Variants in SF3B3 observed in about 807,000 individuals in gnomAD.
SF3B3 encodes the protein SAP 130.
Under a neutral mutation model 139.2 loss-of-function variants are expected in SF3B3, and 33 were observed. The ratio of observed to expected loss-of-function variants is 0.24; its 90% CI spans 0.18 to 0.32. SF3B3 has a LOEUF of 0.32. Among genes scored for constraint, SF3B3 ranks in the 10% least tolerant of loss-of-function variants. The pLI is 1.00. For missense variants in SF3B3, 818 were observed against 1,509.4 expected, an observed-to-expected ratio of 0.54 and a Z score of 7.59; for synonymous variants, 596 against 563.6, an observed-to-expected ratio of 1.06 and a Z score of -0.81.
chr16:70,571,663 C>T lies in SF3B3; in HGVS notation c.3514-10C>T. 1 of 1,604,710 alleles carries T rather than the reference C, an allele frequency of 6.2e-7. No individual in the cohort carries two copies. The highest frequency in any genetic ancestry group is 8.5e-7 in the Non-Finnish European group (1 of 1,176,870). On this transcript the variant is annotated splice_polypyrimidine_tract_variant and intron_variant, in intron 25 of 25. Transcript: ENST00000302516. ...CCATTTTTTTTCTTTCTGCTTTCTC[C>T]ATATCTTAGAATGTGATTGATGGAG...
chr16:70,529,096 G>A lies in SF3B3; in HGVS notation c.294G>A (p.Met98Ile). Reference sequence around the variant, plus strand: ...TGGAATACCAGCCATCTAAGAATATGTTTGAGAAGATTCACCAAGAAACCT... The same window carrying A: ...TGGAATACCAGCCATCTAAGAATATATTTGAGAAGATTCACCAAGAAACCT... Reference protein sequence around the residue: ...VILEYQPSKNMFEKIHQETFG... With the variant: ...VILEYQPSKNIFEKIHQETFG... The change falls in exon 3 of 26, where the codon ATG becomes ATA. Residue 98 changes from methionine to isoleucine, a missense_variant. Physicochemically the swap from Met to Ile is conservative, Grantham distance 10. Transcript: ENST00000302516. The A allele has an allele frequency of 6.2e-7, 1 of 1,614,214 alleles. No homozygotes were observed. Among genetic ancestry groups the A allele is most frequent in the Non-Finnish European group, 8.5e-7 (1 of 1,180,032 alleles).
chr16:70,533,124 A>G (rs2050136495), intron 5 of SF3B3, among the ~76,000 whole-genome samples: 1 of 152,216 alleles, frequency 6.6e-6, no homozygotes, highest in Admixed American at 6.5e-5. Context: ...ACTCTCCCAA[A>G]AGATTGAGGT....
intron 13 of SF3B3, among the ~76,000 whole-genome samples, 175 bp downstream of exon 13, chr16:70,555,381 A>T (rs567460825): frequency 6.7e-6 from 1 of 149,288 alleles, no homozygotes; most frequent in South Asian, 2.2e-4. Context: ...CAGGAGGCTG[A>T]GGCAGGAGAA....
chr16:70,537,792 A>C (rs979398179), intron 6 of SF3B3, among the ~76,000 whole-genome samples: 1 of 152,188 alleles, frequency 6.6e-6, no homozygotes, highest in Non-Finnish European at 1.5e-5. Flanking sequence ...TAAAAAACGC[A>C]AGGCAGGTGC....
chr16:70,538,214 T>A, intron 6 of SF3B3, 109 bp from the exon 7 acceptor site: 2 of 968,030 alleles, frequency 2.1e-6, no homozygotes, highest in South Asian at 1.4e-5. Flanking sequence ...TCAAAGCTTG[T>A]GCCTTTAGGC....
At chr16:70,541,501 G>A (rs76807292) in intron 8 of SF3B3, among the ~76,000 whole-genome samples, 168 bp from the exon 9 acceptor site, 7,558 of 152,166 alleles carry the variant, frequency 0.05, 233 homozygotes, top group Non-Finnish European at 0.065. Context: ...TCTTTTCCCT[G>A]AATTGTTTTG....
chr16:70,563,961 C>A lies in SF3B3; in HGVS notation c.2374C>A (p.Pro792Thr). 6.2e-7 allele frequency: 1 copy of A among 1,614,082 alleles called. No individual in the cohort carries two copies. The highest frequency in any genetic ancestry group is 8.5e-7 in the Non-Finnish European group (1 of 1,179,996). The change falls in exon 18 of 26, where the codon CCT (proline) becomes ACT (threonine). Residue 792 changes from proline to threonine, a missense_variant. Pro to Thr is a conservative substitution (Grantham distance 38, BLOSUM62 -1). Coordinates refer to ENST00000302516, the MANE Select transcript of SF3B3 (RefSeq NM_012426.5). ...CACACCCAGGAAATTTGTCATCCAC[C>A]CTGAGAGTAACAACCTTATTATCAT... ...QYTPRKFVIH[P>T]ESNNLIIIET...
Position 70,544,427 on chromosome 16 carries a change from T to C in SF3B3, c.1234-11T>C. On this transcript the variant is annotated splice_polypyrimidine_tract_variant and intron_variant, in intron 9 of 25. Transcript: ENST00000302516. ...GGAGACATTTTTTCCTCTAACTTTT[T>C]CTCTGTGCAGATAGCTGATCTGGCC... The C allele has an allele frequency of 6.3e-7, 1 of 1,579,438 alleles. No homozygotes were observed. The highest frequency in any genetic ancestry group is 8.7e-7 in the Non-Finnish European group (1 of 1,150,976).
intron 5 of SF3B3, among the ~76,000 whole-genome samples, chr16:70,533,996 C>G (rs1341615668): frequency 6.6e-6 from 1 of 152,162 alleles, no homozygotes; most frequent in Non-Finnish European, 1.5e-5. Flanking sequence ...CGTGGTGCCG[C>G]CTTTGTGCAA....
At chr16:70,556,715 T>G in intron 14 of SF3B3, 171 bp from the exon 15 acceptor site, 2 of 666,900 alleles carry the variant, frequency 3.0e-6, no homozygotes, top group South Asian at 3.9e-5. Flanking sequence ...CCGAAGCTTA[T>G]TCTGAAATTG....
intron 2 of SF3B3, among the ~76,000 whole-genome samples, chr16:70,527,593 T>C (rs1194074454): frequency 6.6e-6 from 1 of 152,174 alleles, no homozygotes; most frequent in Non-Finnish European, 1.5e-5. Context: ...TGAGTCTTCA[T>C]TTGGGTAATT....
rs190650638 is a variant in SF3B3 at position 70,569,035 on chromosome 16, C to G, written c.3166-8C>G. The G allele has an allele frequency of 6.3e-7, 1 of 1,598,990 alleles. No homozygotes were observed. The highest frequency in any genetic ancestry group is 8.5e-7 in the Non-Finnish European group (1 of 1,171,146). ...CCCAGCAGTGTGACTTGTGTCACTT[C>G]CTTGTAGGTGAGGCTCCCACCTAAC... On this transcript the variant is annotated splice_region_variant and splice_polypyrimidine_tract_variant and intron_variant, in intron 22 of 25. Transcript: ENST00000302516.
At chr16:70,566,329 G>A (rs562526607) in intron 20 of SF3B3, among the ~76,000 whole-genome samples, 1 of 152,164 alleles carries the variant, frequency 6.6e-6, no homozygotes, top group African/African-American at 2.4e-5. Context: ...TTGGAAGGCC[G>A]AGGTGGGCGG....
intron 10 of SF3B3, among the ~76,000 whole-genome samples, chr16:70,544,941 C>T (rs1041336871): frequency 2.6e-5 from 4 of 152,208 alleles, no homozygotes; most frequent in African/African-American, 7.2e-5. Context: ...CTATATGGAA[C>T]ATTTCACTCT....
chr16:70,568,603 T>A (rs565551724), intron 22 of SF3B3, 108 bp downstream of exon 22: 3 of 808,518 alleles, frequency 3.7e-6, no homozygotes, highest in Admixed American at 2.4e-5. Flanking sequence ...AAAATGGATA[T>A]AAAATTCCAT....
chr16:70,566,516 T>C (rs1006992304), intron 20 of SF3B3, among the ~76,000 whole-genome samples: 3 of 152,060 alleles, frequency 2.0e-5, no homozygotes, highest in Non-Finnish European at 2.9e-5. Flanking sequence ...GAGCCGAGAT[T>C]GCGCCACTGC....
chr16:70,524,097 T>G (rs2050021941), intron 1 of SF3B3, 169 bp downstream of exon 1: 1 of 388,466 alleles, frequency 2.6e-6, no homozygotes, highest in African/African-American at 2.1e-5. Context: ...CTTCCTGCAG[T>G]TATCTCTCGC....
At chr16:70,557,193 C>T (rs536320509) in intron 15 of SF3B3, among the ~76,000 whole-genome samples, 164 bp downstream of exon 15, 4 of 152,272 alleles carry the variant, frequency 2.6e-5, no homozygotes, top group South Asian at 2.1e-4. Flanking sequence ...CTCTTTAATT[C>T]GAACAAATCA....
At chr16:70,568,578 C>A (rs535408907) in intron 22 of SF3B3, 83 bp downstream of exon 22, 9 of 1,062,158 alleles carry the variant, frequency 8.5e-6, no homozygotes, top group East Asian at 7.7e-5. Context: ...AAGGAGGAAT[C>A]AAATCTGAGA....
Sources: allele counts gnomAD v4.1 joint callset (sites outside exome capture counted in the v4.1 genomes callset), GRCh38; gene constraint gnomAD v4.1.1; transcripts MANE v1.5; gene names NCBI Gene and HGNC (gene_info 2026-07-23, HGNC 2026-07-21).